The following HMGCLL1 variants were observed in gnomAD, a reference collection of about 807,000 sequenced individuals.
HMGCLL1 encodes the protein 3-hydroxymethyl-3-methylglutaryl-CoA lyase, cytoplasmic.
Under a neutral mutation model 39.1 loss-of-function variants are expected in HMGCLL1, and 36 were observed. The observed-to-expected ratio is 0.92, with a 90% confidence interval of 0.71 to 1.22. The LOEUF is 1.22. Ranked by LOEUF, HMGCLL1 falls within the 50% of genes most tolerant of loss-of-function variation. The pLI, the probability that HMGCLL1 is intolerant of heterozygous loss-of-function variation, is 0.00. For missense variants in HMGCLL1, 451 were observed against 416.5 expected, an observed-to-expected ratio of 1.08 and a Z score of -0.72; for synonymous variants, 149 against 144.0, an observed-to-expected ratio of 1.03 and a Z score of -0.25.
At chr6:55,607,924 G>A in the HMGCLL1 span, among the ~76,000 whole-genome samples, 1 of 152,178 alleles carries the variant, frequency 6.6e-6, no homozygotes, top group Admixed American at 6.5e-5. Flanking sequence ...TCTATAAGAT[G>A]AAAGAAACAA....
At chr6:55,477,197 TTATATAATATATATTATATTATAA>T (rs1308657854) in intron 7 of HMGCLL1, among the ~76,000 whole-genome samples, 319 of 27,982 alleles carry the variant, frequency 0.011, 18 homozygotes, top group African/African-American at 0.028. Flanking sequence ...ATATTATATA[TTATATAATATATATTATATTATAA>T]TATATAATAT....
intron 1 of HMGCLL1, among the ~76,000 whole-genome samples, chr6:55,548,643 C>G (rs4543375): frequency 0.67 from 101,296 of 151,698 alleles, 34,090 homozygotes; most frequent in Admixed American, 0.72. Flanking sequence ...AAAGTAGCTT[C>G]AGCAATAAAT....
chr6:55,672,517 A>G, the HMGCLL1 span, among the ~76,000 whole-genome samples: 5 of 151,860 alleles, frequency 3.3e-5, no homozygotes, highest in Non-Finnish European at 7.4e-5. Context: ...CAAATTGAAC[A>G]GCATTCTCTT....
intron 1 of HMGCLL1, among the ~76,000 whole-genome samples, chr6:55,572,822 T>C (rs1182414334): frequency 6.6e-6 from 1 of 152,206 alleles, no homozygotes. Flanking sequence ...AATGACTATA[T>C]TAGTTGGATA....
chr6:55,537,237 A>G (rs1769086249), intron 3 of HMGCLL1, among the ~76,000 whole-genome samples: 1 of 152,194 alleles, frequency 6.6e-6, no homozygotes, highest in South Asian at 2.1e-4. Context: ...ACAAACATTT[A>G]ATGTGTTATA....
chr6:55,621,839 A>G, the HMGCLL1 span, among the ~76,000 whole-genome samples: 4 of 152,158 alleles, frequency 2.6e-5, no homozygotes, highest in East Asian at 7.7e-4. Flanking sequence ...TTCAAGATAT[A>G]CTAGCTGTCT....
upstream of HMGCLL1, among the ~76,000 whole-genome samples, chr6:55,582,786 A>G (rs560705109): frequency 2.0e-5 from 3 of 152,262 alleles, no homozygotes; most frequent in East Asian, 3.9e-4. Context: ...TTTCTTGTAT[A>G]TACTTTTTGT....
At chr6:55,584,228 CTGAG>C in the HMGCLL1 span, among the ~76,000 whole-genome samples, 16 of 152,084 alleles carry the variant, frequency 1.1e-4, no homozygotes, top group African/African-American at 3.4e-4. Flanking sequence ...GAAATTTTCT[CTGAG>C]TATTATATTT....
intron 3 of HMGCLL1, among the ~76,000 whole-genome samples, chr6:55,538,197 T>G (rs1306357877): frequency 6.6e-6 from 1 of 152,200 alleles, no homozygotes; most frequent in Non-Finnish European, 1.5e-5. Flanking sequence ...AAGACTATTT[T>G]GTAGGCAGCT....
At chr6:55,674,691 T>C in the HMGCLL1 span, among the ~76,000 whole-genome samples, 1 of 152,062 alleles carries the variant, frequency 6.6e-6, no homozygotes, top group Admixed American at 6.6e-5. Flanking sequence ...ACTATAGGAT[T>C]GCATCCAACA....
intron 7 of HMGCLL1, among the ~76,000 whole-genome samples, chr6:55,490,596 T>G (rs907330509): frequency 6.6e-6 from 1 of 152,170 alleles, no homozygotes; most frequent in Non-Finnish European, 1.5e-5. Flanking sequence ...GTATAGTCTG[T>G]TGCATGAAGA....
chr6:55,508,383 G>A lies in HMGCLL1; in HGVS notation c.542+5665C>T, dbSNP rs560923125. Among the ~76,000 whole-genome samples the A allele has an allele frequency of 4.0e-5, 6 of 151,842 alleles. No individual in the cohort carries two copies. In the South Asian group the frequency reaches 1.2e-3, roughly 32 times the overall value. On this transcript the variant is annotated intron_variant, in intron 5 of 8. Coordinates refer to ENST00000274901, the MANE Select transcript of HMGCLL1 (RefSeq NM_001042406.2). The stretch of plus-strand genomic sequence containing the variant: ...TTCAATTTTGAATTAATTGAAGAAT[G>A]CCTAAGATTATGTTTTCTGCTGAAT...
chr6:55,624,458 C>T, the HMGCLL1 span, among the ~76,000 whole-genome samples: 2 of 152,178 alleles, frequency 1.3e-5, no homozygotes, highest in Non-Finnish European at 2.9e-5. Context: ...TTGACTTCAG[C>T]TGGCAAGGCC....
the HMGCLL1 span, among the ~76,000 whole-genome samples, chr6:55,631,835 T>C: frequency 6.6e-6 from 1 of 152,098 alleles, no homozygotes; most frequent in Admixed American, 6.6e-5. Flanking sequence ...GTTTATACTC[T>C]TCCCCCTTGG....
At chr6:55,670,807 T>C in the HMGCLL1 span, among the ~76,000 whole-genome samples, 1 of 151,758 alleles carries the variant, frequency 6.6e-6, no homozygotes, top group Non-Finnish European at 1.5e-5. Context: ...AATAAACAAA[T>C]AATTGCATTG....
the HMGCLL1 span, among the ~76,000 whole-genome samples, chr6:55,651,386 C>T: frequency 6.6e-6 from 1 of 152,052 alleles, no homozygotes; most frequent in South Asian, 2.1e-4. Context: ...TACCTATAAG[C>T]TAGGGACCAG....
chr6:55,570,492 G>C (rs1234185266), intron 1 of HMGCLL1, among the ~76,000 whole-genome samples: 1 of 152,098 alleles, frequency 6.6e-6, no homozygotes, highest in Non-Finnish European at 1.5e-5. Flanking sequence ...AAAAGTCCCT[G>C]CTTTTGGAAT....
chr6:55,578,915 A>G lies in HMGCLL1; in HGVS notation c.108+33T>C, dbSNP rs753182872. ...GAGGCTGGCTGTCAGTGTGCGCATG[A>G]GGGTGGGGACACCCTGGGCCGCGAG... On this transcript the variant is annotated intron_variant, in intron 1 of 8. Coordinates refer to ENST00000274901, the MANE Select transcript of HMGCLL1 (RefSeq NM_001042406.2). The G allele has an allele frequency of 2.0e-4, 306 of 1,508,524 alleles. 1 individual carries two copies. Among genetic ancestry groups the G allele is most frequent in the Admixed American group, 1.4e-3 (82 of 58,614 alleles). 93.4% of individuals were successfully genotyped at this position (1,508,524 alleles called of 1,614,324 possible).
chr6:55,441,602 C>T (rs1026263739), intron 7 of HMGCLL1, among the ~76,000 whole-genome samples: 2 of 152,056 alleles, frequency 1.3e-5, no homozygotes, highest in African/African-American at 4.8e-5. Flanking sequence ...ACCAGTATAC[C>T]ACATTAGTAG....
Sources: allele counts gnomAD v4.1 joint callset (sites outside exome capture counted in the v4.1 genomes callset), GRCh38; gene constraint gnomAD v4.1.1; transcripts MANE v1.5; gene names NCBI Gene and HGNC (gene_info 2026-07-23, HGNC 2026-07-21).